Variants in FBXW11 observed in about 807,000 individuals in gnomAD.
The protein encoded by FBXW11 is F-box and WD repeat domain containing 11, also known as F-box/WD repeat-containing protein 11.
Under a neutral mutation model 77.6 loss-of-function variants are expected in FBXW11, and 19 were observed. That is an observed-to-expected ratio of 0.24 (90% CI 0.17 to 0.36). The LOEUF (loss-of-function observed/expected upper bound fraction) is 0.36. Ranked by LOEUF, FBXW11 falls within the 10% of genes least tolerant of loss-of-function variation. The pLI, the probability that FBXW11 is intolerant of heterozygous loss-of-function variation, is 1.00. For missense variants in FBXW11, 334 were observed against 704.2 expected (o/e 0.47, Z 5.95); for synonymous variants, 235 against 249.4 (o/e 0.94, Z 0.54).
intron 2 of FBXW11, among the ~76,000 whole-genome samples, chr5:171,931,859 CCCTCT>C (rs1762220371): frequency 2.3e-4 from 1 of 4,340 alleles, no homozygotes; most frequent in Non-Finnish European, 6.2e-4. Context: ...CTCCCTCCCT[CCCTCT>C]CTCTCTCTCT....
chr5:171,970,597 A>C lies in FBXW11; in HGVS notation c.46-12899T>G, dbSNP rs972645833. The stretch of plus-strand genomic sequence containing the variant: ...TACAACATTTATTTTCAAAGACTTA[A>C]CAGGCCCCTACACCAAATAAATACA... On this transcript the variant is annotated intron_variant, in intron 1 of 13. Coordinates refer to ENST00000517395, the MANE Select transcript of FBXW11 (RefSeq NM_001378974.1). 3.9e-5 allele frequency among the ~76,000 whole-genome samples: 6 copies of C among 152,210 alleles called. No homozygotes were observed. In the East Asian group the frequency reaches 9.6e-4, roughly 24 times the overall value.
At chr5:171,921,975 G>A (rs1380092862) in intron 2 of FBXW11, among the ~76,000 whole-genome samples, 1 of 151,156 alleles carries the variant, frequency 6.6e-6, no homozygotes, top group Admixed American at 6.6e-5. Context: ...CCAGGCTCAA[G>A]TGATCCTCCT....
At chr5:171,928,923 A>C (rs541979029) in intron 2 of FBXW11, among the ~76,000 whole-genome samples, 2 of 152,138 alleles carry the variant, frequency 1.3e-5, no homozygotes, top group East Asian at 3.9e-4. Context: ...AAATACAAAA[A>C]TTAGCTGGGC....
intron 2 of FBXW11, among the ~76,000 whole-genome samples, chr5:171,952,415 G>A (rs532486748): frequency 3.4e-3 from 172 of 50,062 alleles, no homozygotes; most frequent in African/African-American, 1.0e-2. Context: ...TGTGTTGTGT[G>A]TACATACATA....
intron 2 of FBXW11, among the ~76,000 whole-genome samples, chr5:171,935,908 C>T (rs1762449859): frequency 6.6e-6 from 1 of 151,708 alleles, no homozygotes; most frequent in Non-Finnish European, 1.5e-5. Context: ...GTCAGGAGTT[C>T]GAGACAAGCC....
chr5:171,990,949 C>T (rs1295158524), intron 1 of FBXW11, among the ~76,000 whole-genome samples: 2 of 152,084 alleles, frequency 1.3e-5, no homozygotes, highest in Non-Finnish European at 2.9e-5. Context: ...CCTCAGCCTC[C>T]CAAGTAGCTG....
chr5:171,903,112 G>C (rs1287319361), intron 4 of FBXW11, among the ~76,000 whole-genome samples: 1 of 152,030 alleles, frequency 6.6e-6, no homozygotes, highest in Non-Finnish European at 1.5e-5. Flanking sequence ...CATTCTCAAA[G>C]GTTTCACAGG....
chr5:171,976,793 C>A (rs1223406181), intron 1 of FBXW11, among the ~76,000 whole-genome samples: 2 of 151,752 alleles, frequency 1.3e-5, no homozygotes, highest in African/African-American at 4.8e-5. Flanking sequence ...ACGCCTGTAA[C>A]CCCAGCAATT....
intron 2 of FBXW11, among the ~76,000 whole-genome samples, chr5:171,936,914 C>T (rs948499682): frequency 6.6e-6 from 1 of 151,992 alleles, no homozygotes; most frequent in African/African-American, 2.4e-5. Flanking sequence ...AAACTAAAAG[C>T]AATTCCTAGA....
intron 13 of FBXW11, 133 bp downstream of exon 13, chr5:171,868,477 G>A: frequency 1.5e-6 from 1 of 651,656 alleles, no homozygotes; most frequent in East Asian, 2.7e-5. Flanking sequence ...CCTTACACTT[G>A]AACTCTGCAA....
At chr5:171,896,683 CTTCT>C (rs1192067106) in intron 6 of FBXW11, among the ~76,000 whole-genome samples, 1 of 152,232 alleles carries the variant, frequency 6.6e-6, no homozygotes, top group East Asian at 1.9e-4. Flanking sequence ...AGTCCTAAAA[CTTCT>C]TTTAGTCTCA....
chr5:171,935,826 C>T (rs1263508816), intron 2 of FBXW11, among the ~76,000 whole-genome samples: 4 of 152,002 alleles, frequency 2.6e-5, no homozygotes, highest in Non-Finnish European at 5.9e-5. Flanking sequence ...ATAAACAAGT[C>T]TGAGCCAGGT....
chr5:171,949,209 A>G (rs899085270), intron 2 of FBXW11, among the ~76,000 whole-genome samples: 2 of 152,252 alleles, frequency 1.3e-5, no homozygotes, highest in African/African-American at 4.8e-5. Flanking sequence ...ATGGCTGATG[A>G]TAATAATAGG....
chr5:172,002,592 C>T (rs545115526), intron 1 of FBXW11, among the ~76,000 whole-genome samples: 1 of 149,518 alleles, frequency 6.7e-6, no homozygotes, highest in East Asian at 2.0e-4. Flanking sequence ...CAACCCCACT[C>T]ACCCCGAGAA....
At chr5:171,987,572 C>T (rs976200168) in intron 1 of FBXW11, among the ~76,000 whole-genome samples, 3 of 152,020 alleles carry the variant, frequency 2.0e-5, no homozygotes, top group Non-Finnish European at 4.4e-5. Flanking sequence ...TTGCCTCAGC[C>T]TCCCGAGCAG....
At chr5:171,975,867 C>G (rs1460285607) in intron 1 of FBXW11, among the ~76,000 whole-genome samples, 1 of 152,136 alleles carries the variant, frequency 6.6e-6, no homozygotes, top group Non-Finnish European at 1.5e-5. Context: ...TCTTGGATCA[C>G]ACAGATTTCG....
At chr5:172,001,336 T>C (rs928024314) in intron 1 of FBXW11, among the ~76,000 whole-genome samples, 10 of 152,196 alleles carry the variant, frequency 6.6e-5, no homozygotes, top group African/African-American at 1.9e-4. Context: ...CCATAAAAAT[T>C]TGGAACTGAT....
Position 171,910,793 on chromosome 5 carries a change from C to T in FBXW11, c.215G>A (p.Ser72Asn). Residue 72 changes from serine to asparagine, a missense_variant, in exon 4 of 14, where the codon AGT becomes AAT. This residue lies in a region of FBXW11 where 80 missense variants were observed against 105.1 expected (regional missense o/e 0.76). Coordinates refer to ENST00000517395, the MANE Select transcript of FBXW11 (RefSeq NM_001378974.1). The stretch of plus-strand genomic sequence containing the variant: ...GACGATCACAGATGATGTTCCATTA[C>T]TTATCTATTTTAGAAAAACAAAAAA... The part of the protein sequence containing the change: ...SPKKNTLWQI[S>N]NGTSSVIVSR... 6.4e-7 allele frequency: 1 copy of T among 1,554,888 alleles called. No individual in the cohort carries two copies. The highest frequency in any genetic ancestry group is 8.7e-7 in the Non-Finnish European group (1 of 1,155,124).
intron 1 of FBXW11, among the ~76,000 whole-genome samples, chr5:171,991,734 C>T (rs1430826358): frequency 6.6e-6 from 1 of 152,122 alleles, no homozygotes; most frequent in Non-Finnish European, 1.5e-5. Flanking sequence ...CAAACTATTA[C>T]AGTAGAAGAG....
Sources: allele counts gnomAD v4.1 joint callset (sites outside exome capture counted in the v4.1 genomes callset), GRCh38; gene constraint gnomAD v4.1.1; regional missense constraint gnomAD v4.1.1; transcripts MANE v1.5; gene names NCBI Gene and HGNC (gene_info 2026-07-23, HGNC 2026-07-21).